Variants in TDRD12 observed in about 807,000 individuals in gnomAD.
TDRD12 encodes the protein tudor domain containing 12, also known as putative ATP-dependent RNA helicase TDRD12.
In TDRD12, 158 loss-of-function variants were observed where a neutral mutation model predicts 133.5. The ratio of observed to expected loss-of-function variants is 1.18; its 90% CI spans 1.04 to 1.35. The LOEUF (loss-of-function observed/expected upper bound fraction) is 1.35. Ranked by LOEUF, TDRD12 falls within the 40% of genes most tolerant of loss-of-function variation. The pLI, the probability that TDRD12 is intolerant of heterozygous loss-of-function variation, is 0.00. For missense variants in TDRD12, 1,443 were observed against 1,321.3 expected, an observed-to-expected ratio of 1.09 and a Z score of -1.43; for synonymous variants, 460 against 477.9, an observed-to-expected ratio of 0.96 and a Z score of 0.49.
intron 14 of TDRD12, among the ~76,000 whole-genome samples, chr19:32,797,183 A>G (rs888373307): frequency 8.2e-6 from 1 of 121,438 alleles, no homozygotes; most frequent in Non-Finnish European, 2.1e-5. Flanking sequence ...GTTTCACCAT[A>G]TTGGTCAGGC....
At chr19:32,766,212 T>G (rs1310291799) in intron 8 of TDRD12, among the ~76,000 whole-genome samples, 3 of 152,216 alleles carry the variant, frequency 2.0e-5, no homozygotes, top group Non-Finnish European at 4.4e-5. Context: ...TTAGTGCTAT[T>G]TATTTAAAAT....
chr19:32,815,410 T>G, intron 25 of TDRD12, 38 bp from the exon 26 acceptor site: 1 of 1,487,818 alleles, frequency 6.7e-7, no homozygotes. Context: ...AAATTCAGAG[T>G]GATTACTGCT....
At chr19:32,747,061 T>C (rs1166641783) in intron 4 of TDRD12, among the ~76,000 whole-genome samples, 3 of 150,522 alleles carry the variant, frequency 2.0e-5, no homozygotes, top group Non-Finnish European at 3.0e-5. Flanking sequence ...GTGGTTATTC[T>C]GTGTGTGTGA....
intron 11 of TDRD12, among the ~76,000 whole-genome samples, chr19:32,786,369 A>G (rs561262649): frequency 2.0e-4 from 31 of 152,126 alleles, no homozygotes; most frequent in Non-Finnish European, 3.8e-4. Context: ...TTTTGCTTTC[A>G]TTTCAACCTT....
At chr19:32,723,815 C>T (rs534853411) in intron 1 of TDRD12, among the ~76,000 whole-genome samples, 1 of 152,210 alleles carries the variant, frequency 6.6e-6, no homozygotes, top group South Asian at 2.1e-4. Context: ...GAATTTTGCA[C>T]ATATTTTTAA....
chr19:32,763,593 A>G (rs1478754468), intron 8 of TDRD12, among the ~76,000 whole-genome samples: 1 of 152,082 alleles, frequency 6.6e-6, no homozygotes, highest in African/African-American at 2.4e-5. Flanking sequence ...CGCCCTTTAT[A>G]TTTCCAAGTA....
intron 6 of TDRD12, among the ~76,000 whole-genome samples, chr19:32,752,383 T>C (rs1040149197): frequency 6.6e-6 from 1 of 152,044 alleles, no homozygotes; most frequent in Non-Finnish European, 1.5e-5. Flanking sequence ...TTTCACCATG[T>C]TGGCCAGGCT....
exon 9 of TDRD12, chr19:32,772,838 A>C (rs1205530622): frequency 6.8e-7 from 1 of 1,471,296 alleles, no homozygotes; most frequent in Admixed American, 2.6e-5. Flanking sequence ...TCTCTTTAAA[A>C]GATACAAATA....
intron 27 of TDRD12, among the ~76,000 whole-genome samples, chr19:32,820,535 C>T (rs535338569): frequency 6.6e-6 from 1 of 152,122 alleles, no homozygotes; most frequent in Non-Finnish European, 1.5e-5. Context: ...TATGGGGCAG[C>T]ACGTTGAATT....
At chr19:32,779,314 CTTT>C in intron 11 of TDRD12, among the ~76,000 whole-genome samples, 1 of 152,282 alleles carries the variant, frequency 6.6e-6, no homozygotes, top group African/African-American at 2.4e-5. Context: ...CTTTTCCTGT[CTTT>C]TTGTCTCGCT....
chr19:32,765,463 A>G (rs1429680214), intron 8 of TDRD12, among the ~76,000 whole-genome samples: 1 of 152,190 alleles, frequency 6.6e-6, no homozygotes, highest in Non-Finnish European at 1.5e-5. Context: ...GGCACTATTC[A>G]CAATAGCAAA....
At chr19:32,776,249 A>G (rs1970581430) in intron 10 of TDRD12, among the ~76,000 whole-genome samples, 1 of 152,186 alleles carries the variant, frequency 6.6e-6, no homozygotes, top group African/African-American at 2.4e-5. Context: ...CTTGAGAATA[A>G]AACAAGTAAG....
chr19:32,783,643 G>A (rs1175975372), intron 11 of TDRD12, among the ~76,000 whole-genome samples: 1 of 152,118 alleles, frequency 6.6e-6, no homozygotes, highest in Non-Finnish European at 1.5e-5. Flanking sequence ...ATTTTCTTGA[G>A]CAGTGGTTTG....
intron 18 of TDRD12, among the ~76,000 whole-genome samples, chr19:32,801,268 CA>C (rs1399090426): frequency 2.0e-5 from 3 of 151,102 alleles, no homozygotes; most frequent in Admixed American, 6.6e-5. Context: ...ATCATATAGC[CA>C]AAAAATCAAA....
At chr19:32,755,630 T>C (rs1171009179) in intron 6 of TDRD12, among the ~76,000 whole-genome samples, 1 of 152,232 alleles carries the variant, frequency 6.6e-6, no homozygotes, top group African/African-American at 2.4e-5. Flanking sequence ...GTTTATTCTC[T>C]TGAAGAACAG....
At chr19:32,812,323 A>G (rs931549135) in intron 24 of TDRD12, among the ~76,000 whole-genome samples, 1 of 152,240 alleles carries the variant, frequency 6.6e-6, no homozygotes, top group African/African-American at 2.4e-5. Flanking sequence ...TCACTGGAGC[A>G]TGAGTCGTGT....
chr19:32,768,947 T>C (rs927418976), intron 8 of TDRD12, among the ~76,000 whole-genome samples: 1 of 152,204 alleles, frequency 6.6e-6, no homozygotes, highest in Non-Finnish European at 1.5e-5. Context: ...CTCCATATGC[T>C]GGCCAGGCTG....
chr19:32,821,413 T>A, downstream of TDRD12: 1 of 306,078 alleles, frequency 3.3e-6, no homozygotes, highest in African/African-American at 2.7e-5. Context: ...TGTGTGTGCG[T>A]GTGAACCACA....
intron 21 of TDRD12, among the ~76,000 whole-genome samples, chr19:32,805,379 T>A (rs775210796): frequency 4.7e-5 from 7 of 150,184 alleles, no homozygotes; most frequent in Admixed American, 2.0e-4. Flanking sequence ...TGAGACCCTA[T>A]GTCCAAAAAA....
Sources: allele counts gnomAD v4.1 joint callset (sites outside exome capture counted in the v4.1 genomes callset), GRCh38; gene constraint gnomAD v4.1.1; transcripts MANE v1.5; gene names NCBI Gene and HGNC (gene_info 2026-07-23, HGNC 2026-07-21).